NALF1: variants seen among roughly 807,000 people sequenced by gnomAD.
NALF1 encodes family with sequence similarity 155 member A.
In NALF1, 3 loss-of-function variants were observed where a neutral mutation model predicts 48.4. That is an observed-to-expected ratio of 0.06 (90% confidence interval 0.03 to 0.16). The LOEUF is 0.16. Ranked by LOEUF, NALF1 falls within the 10% of genes least tolerant of loss-of-function variation. NALF1 has a pLI of 1.00. For missense variants in NALF1, 526 were observed against 571.5 expected (o/e 0.92, Z 0.81); for synonymous variants, 262 against 245.7 (o/e 1.07, Z -0.62).
intron 1 of NALF1, among the ~76,000 whole-genome samples, chr13:107,378,232 T>C (rs1041869236): frequency 1.3e-5 from 2 of 152,074 alleles, no homozygotes; most frequent in Non-Finnish European, 2.9e-5. Flanking sequence ...AACCAAGAGG[T>C]TCTTACAAAT....
At chr13:107,645,287 T>C (rs950893002) in intron 1 of NALF1, among the ~76,000 whole-genome samples, 2 of 152,100 alleles carry the variant, frequency 1.3e-5, no homozygotes, top group African/African-American at 4.8e-5. Flanking sequence ...TTAACCAATC[T>C]GAAGGATATA....
chr13:107,761,616 G>A (rs1160518720), intron 1 of NALF1, among the ~76,000 whole-genome samples: 4 of 152,144 alleles, frequency 2.6e-5, no homozygotes, highest in African/African-American at 7.2e-5. Flanking sequence ...AGGAATTACG[G>A]TAATTCCAAT....
intron 1 of NALF1, among the ~76,000 whole-genome samples, chr13:107,769,896 T>C (rs1465537507): frequency 2.0e-5 from 3 of 151,070 alleles, no homozygotes; most frequent in African/African-American, 7.3e-5. Flanking sequence ...AAAATTCAAT[T>C]TTTTTTGCTT....
At chr13:107,424,691 AC>A (rs1884249126) in intron 1 of NALF1, among the ~76,000 whole-genome samples, 1 of 152,200 alleles carries the variant, frequency 6.6e-6, no homozygotes, top group African/African-American at 2.4e-5. Flanking sequence ...GGTGGAGAAT[AC>A]TGGCTAACTT....
chr13:107,584,991 GAAAGAT>G (rs1878413046), intron 1 of NALF1, among the ~76,000 whole-genome samples: 3 of 152,028 alleles, frequency 2.0e-5, no homozygotes, highest in Non-Finnish European at 2.9e-5. Context: ...AAAAGGCACA[GAAAGAT>G]AAAGTAATCG....
At chr13:107,319,076 T>C (rs1295634164) in intron 1 of NALF1, among the ~76,000 whole-genome samples, 7 of 152,052 alleles carry the variant, frequency 4.6e-5, no homozygotes, top group Non-Finnish European at 1.0e-4. Context: ...CTTAAAAAAG[T>C]GCTCAAAGAT....
At chr13:107,702,829 G>A (rs766395547) in intron 1 of NALF1, among the ~76,000 whole-genome samples, 67 of 152,184 alleles carry the variant, frequency 4.4e-4, no homozygotes, top group Non-Finnish European at 7.9e-4. Context: ...AGTTTGTTGA[G>A]GATAACATCA....
intron 1 of NALF1, among the ~76,000 whole-genome samples, chr13:107,220,974 A>G (rs547659900): frequency 6.6e-6 from 1 of 152,318 alleles, no homozygotes; most frequent in East Asian, 1.9e-4. Flanking sequence ...TCAGCCATAA[A>G]AAAAAGAACA....
At chr13:107,211,627 T>C (rs1879763452) in intron 1 of NALF1, among the ~76,000 whole-genome samples, 1 of 152,222 alleles carries the variant, frequency 6.6e-6, no homozygotes, top group South Asian at 2.1e-4. Context: ...ATGTACCAAT[T>C]TGCAGTACAG....
At position 107,269,002 on chromosome 13, in the gene NALF1, C is replaced by T. The variant is rs533843385; in HGVS notation, c.916-58247G>A. ...CTGGGTGTAGAGTGAAAATTGGATT[C>T]GAAATCAGGAATAAACTGGGAGTGG... On this transcript the variant is annotated intron_variant, in intron 1 of 2. Transcript: ENST00000375915. Among the ~76,000 whole-genome samples, 10 of 151,514 alleles carry T rather than the reference C, an allele frequency of 6.6e-5. No individual in the cohort carries two copies. In the East Asian group the frequency reaches 1.8e-3, roughly 27 times the overall value.
intron 1 of NALF1, among the ~76,000 whole-genome samples, chr13:107,660,232 G>A (rs1284682077): frequency 2.6e-5 from 4 of 151,178 alleles, no homozygotes; most frequent in African/African-American, 7.3e-5. Context: ...GAGGTCAAGA[G>A]ATCAAGACCA....
intron 1 of NALF1, among the ~76,000 whole-genome samples, chr13:107,535,228 G>A (rs1219591364): frequency 6.6e-6 from 1 of 152,092 alleles, no homozygotes; most frequent in African/African-American, 2.4e-5. Context: ...TTGAATAGGA[G>A]TGGTGAGAGA....
Position 107,420,166 on chromosome 13 carries a change from T to G in NALF1, c.916-209411A>C, listed in dbSNP as rs534259617. Among the ~76,000 whole-genome samples the G allele has an allele frequency of 4.1e-4, 62 of 152,302 alleles. 1 individual carries two copies. The South Asian group carries it at 0.011, about 28-fold the overall frequency. On this transcript the variant is annotated intron_variant, in intron 1 of 2. Transcript: ENST00000375915. ...CTACTAAAGAGAATTCCATTTTGAA[T>G]CGGTGCTACTTTGAATTTCTTACAT...
chr13:107,536,584 A>T (rs1594116388), intron 1 of NALF1, among the ~76,000 whole-genome samples: 4 of 152,208 alleles, frequency 2.6e-5, no homozygotes, highest in Middle Eastern at 6.8e-3. Flanking sequence ...AAACAACAGG[A>T]GCTGGAGAGG....
intron 1 of NALF1, among the ~76,000 whole-genome samples, chr13:107,756,164 A>T (rs1265485734): frequency 6.6e-6 from 1 of 152,206 alleles, no homozygotes; most frequent in Non-Finnish European, 1.5e-5. Context: ...GAAAAATACT[A>T]AATTATTATT....
chr13:107,529,314 G>A (rs1423304275), intron 1 of NALF1, among the ~76,000 whole-genome samples: 2 of 152,138 alleles, frequency 1.3e-5, no homozygotes, highest in African/African-American at 4.8e-5. Context: ...CAAGTTGTAT[G>A]ACTTTCAGAA....
chr13:107,783,050 A>T (rs1483842349), intron 1 of NALF1, among the ~76,000 whole-genome samples: 101 of 99,574 alleles, frequency 1.0e-3, no homozygotes, highest in Middle Eastern at 6.5e-3. Context: ...AGCCGCCCCG[A>T]CCGGGAGGGA....
rs911807546 is a variant in NALF1, at chr13:107,362,416, C to T, written c.916-151661G>A. Among the ~76,000 whole-genome samples the T allele has an allele frequency of 1.3e-5, 2 of 152,116 alleles. No homozygotes were observed. The highest frequency in any genetic ancestry group is 2.4e-5 in the African/African-American group (1 of 41,430). On this transcript the variant is annotated intron_variant, in intron 1 of 2. Coordinates refer to ENST00000375915, the MANE Select transcript of NALF1 (RefSeq NM_001080396.3). The surrounding 1 kb of genome is among the most constrained non-coding windows in gnomAD (Gnocchi z 4.6). Reference sequence around the variant, plus strand: ...TCTGAAACCTGTAGAGTAGCATCTTCGCTTGCCTCCTCCTGACTTTGGAGG... The same window carrying T: ...TCTGAAACCTGTAGAGTAGCATCTTTGCTTGCCTCCTCCTGACTTTGGAGG...
At chr13:107,769,690 TAAA>T (rs71121554) in intron 1 of NALF1, among the ~76,000 whole-genome samples, 19 of 147,094 alleles carry the variant, frequency 1.3e-4, no homozygotes, top group African/African-American at 4.5e-4. Flanking sequence ...TAAAGTATAA[TAAA>T]AAAAAAAAAA....
Sources: gnomAD v4.1 joint callset for allele counts (sites outside exome capture counted in the v4.1 genomes callset) on GRCh38, gnomAD v4.1.1 for gene constraint, Gnocchi (gnomAD v3.1) non-coding constraint, MANE v1.5 for transcripts, NCBI Gene and HGNC (gene_info 2026-07-23, HGNC 2026-07-21) for gene names.